Variants in UBE2R2 observed in about 807,000 individuals in gnomAD.
The protein encoded by UBE2R2 is ubiquitin-conjugating enzyme E2 R2.
A neutral mutation model predicts 27.8 loss-of-function variants in UBE2R2; 1 was observed. The ratio of observed to expected loss-of-function variants is 0.04; its 90% CI spans 0.01 to 0.17. The LOEUF (loss-of-function observed/expected upper bound fraction) is 0.17, where lower values mean the gene tolerates loss of function less well. Ranked by LOEUF, UBE2R2 falls within the 10% of genes least tolerant of loss-of-function variation. The probability of loss-of-function intolerance (pLI) is 1.00; values close to 1 mark genes in which losing one functional copy is unlikely to be tolerated. For synonymous variants in UBE2R2, 106 were observed against 113.3 expected (o/e 0.94, Z 0.41); for missense variants, 100 against 291.0 (o/e 0.34, Z 4.78).
intron 1 of UBE2R2, among the ~76,000 whole-genome samples, chr9:33,860,488 C>G (rs1467341245): frequency 6.6e-6 from 1 of 152,198 alleles, no homozygotes; most frequent in Non-Finnish European, 1.5e-5. Flanking sequence ...TGCTTGAAAT[C>G]AGAATTTTCA....
intron 3 of UBE2R2, among the ~76,000 whole-genome samples, chr9:33,910,817 A>G (rs901635168): frequency 1.3e-5 from 2 of 152,270 alleles, no homozygotes; most frequent in South Asian, 2.1e-4. Flanking sequence ...AACTGGTTAT[A>G]TAGGGCCAGG....
At chr9:33,839,254 T>G (rs1005996373) in intron 1 of UBE2R2, among the ~76,000 whole-genome samples, 2 of 152,174 alleles carry the variant, frequency 1.3e-5, no homozygotes, top group African/African-American at 4.8e-5. Flanking sequence ...GTTTTTGTTT[T>G]GAGACGGAGT....
intron 1 of UBE2R2, among the ~76,000 whole-genome samples, chr9:33,818,319 C>T (rs1825873250): frequency 7.9e-6 from 1 of 126,654 alleles, no homozygotes; most frequent in Non-Finnish European, 1.5e-5. Context: ...GGAACTGCCC[C>T]AGAGGGCAGG....
chr9:33,821,347 A>G (rs1825978185), intron 1 of UBE2R2, among the ~76,000 whole-genome samples: 1 of 151,944 alleles, frequency 6.6e-6, no homozygotes, highest in Non-Finnish European at 1.5e-5. Context: ...TAAGTGAGGT[A>G]GGGTCTCACT....
chr9:33,858,139 A>G (rs930488537), intron 1 of UBE2R2, among the ~76,000 whole-genome samples: 2 of 152,160 alleles, frequency 1.3e-5, no homozygotes, highest in African/African-American at 4.8e-5. Flanking sequence ...TATATAGTAC[A>G]TTACTGGATG....
At chr9:33,913,672 G>T (rs527418544) in intron 4 of UBE2R2, among the ~76,000 whole-genome samples, 6 of 152,234 alleles carry the variant, frequency 3.9e-5, no homozygotes, top group African/African-American at 1.4e-4. Context: ...ATACAAATAA[G>T]AATAAAATCT....
At chr9:33,834,925 CAAAA>C (rs1397929257) in intron 1 of UBE2R2, among the ~76,000 whole-genome samples, 1 of 92,296 alleles carries the variant, frequency 1.1e-5, no homozygotes, top group Non-Finnish European at 2.2e-5. Context: ...AAAAAAAAAA[CAAAA>C]GAAAAGAAAA....
intron 1 of UBE2R2, among the ~76,000 whole-genome samples, chr9:33,827,987 CAAATA>C (rs1025304107): frequency 1.3e-5 from 2 of 149,970 alleles, no homozygotes; most frequent in African/African-American, 4.9e-5. Flanking sequence ...AAAATAAATA[CAAATA>C]AAATAAATTA....
chr9:33,890,686 T>C (rs1305885309), intron 2 of UBE2R2, among the ~76,000 whole-genome samples: 2 of 152,062 alleles, frequency 1.3e-5, no homozygotes, highest in Non-Finnish European at 2.9e-5. Flanking sequence ...GGCAGGTGCC[T>C]GTAATCCCAG....
chr9:33,845,471 A>G (rs1820824287), intron 1 of UBE2R2, among the ~76,000 whole-genome samples: 1 of 151,030 alleles, frequency 6.6e-6, no homozygotes, highest in East Asian at 2.0e-4. Context: ...AATGATCTTG[A>G]TCTCCTGACC....
At chr9:33,869,530 T>C (rs1213812079) in intron 1 of UBE2R2, among the ~76,000 whole-genome samples, 1 of 151,760 alleles carries the variant, frequency 6.6e-6, no homozygotes, top group Non-Finnish European at 1.5e-5. Context: ...CACTGCAATC[T>C]CTGAGGCCTC....
chr9:33,868,631 G>A (rs1395958150), intron 1 of UBE2R2: 3 of 152,298 alleles, frequency 2.0e-5, no homozygotes, highest in Admixed American at 2.0e-4. Context: ...GCCTCAGCTA[G>A]AGCTTTGCTT....
At chr9:33,914,880 T>C (rs28488797) in intron 4 of UBE2R2, among the ~76,000 whole-genome samples, 2,795 of 151,286 alleles carry the variant, frequency 0.018, 89 homozygotes, top group African/African-American at 0.064. Context: ...CTCACGCCTG[T>C]AATCCCAGGA....
chr9:33,835,855 C>T (rs1033360536), intron 1 of UBE2R2, among the ~76,000 whole-genome samples: 1 of 152,204 alleles, frequency 6.6e-6, no homozygotes, highest in Non-Finnish European at 1.5e-5. Context: ...TGCACTCCAG[C>T]CTGGGCAACG....
intron 1 of UBE2R2, among the ~76,000 whole-genome samples, chr9:33,857,105 A>G (rs1821124227): frequency 6.6e-6 from 1 of 151,648 alleles, no homozygotes; most frequent in Non-Finnish European, 1.5e-5. Context: ...CTGTGTTGGC[A>G]GGCTGGTCTC....
rs1199125401 is a variant in UBE2R2, at chr9:33,899,214, C to CT, written c.265-949dup. On this transcript the variant is annotated intron_variant, in intron 2 of 4. Coordinates refer to ENST00000263228, the MANE Select transcript of UBE2R2 (RefSeq NM_017811.4). ...TTGAGTCTTGATTTATTATGTTTGT[C>CT]TTTTTTTTTTTAAGATGGAGTCTCA... Among the ~76,000 whole-genome samples the CT allele has an allele frequency of 1.3e-3, 187 of 148,002 alleles. 1 individual carries two copies. Among genetic ancestry groups the CT allele is most frequent in the African/African-American group, 4.1e-3 (168 of 40,602 alleles).
chr9:33,915,620 A>G (rs145274343), intron 4 of UBE2R2, among the ~76,000 whole-genome samples: 12 of 152,328 alleles, frequency 7.9e-5, no homozygotes, highest in East Asian at 3.9e-4. Flanking sequence ...TCAAATTTTT[A>G]TAATTGTTGA....
In UBE2R2 at chr9:33,904,524, A is replaced by G. The variant is rs554569355; in HGVS notation, c.362+4253A>G. On this transcript the variant is annotated intron_variant, in intron 3 of 4. Coordinates refer to ENST00000263228, the MANE Select transcript of UBE2R2 (RefSeq NM_017811.4). ...CTCAAGACTATTGTTCAGCACCTCA[A>G]TGGACATATTTATAACATAAAGTGG... Among the ~76,000 whole-genome samples, 15 of 152,298 alleles carry G rather than the reference A, an allele frequency of 9.8e-5. 1 individual carries two copies. The South Asian group carries it at 1.2e-3, about 13-fold the overall frequency.
chr9:33,854,451 C>G (rs1408142619), intron 1 of UBE2R2, among the ~76,000 whole-genome samples: 9 of 151,990 alleles, frequency 5.9e-5, no homozygotes, highest in African/African-American at 2.2e-4. Context: ...TCCCAAGTAG[C>G]TGTGGTTACA....
Sources: allele counts gnomAD v4.1 joint callset (sites outside exome capture counted in the v4.1 genomes callset), GRCh38; gene constraint gnomAD v4.1.1; transcripts MANE v1.5; gene names NCBI Gene and HGNC (gene_info 2026-07-23, HGNC 2026-07-21).